PIK3C2A: variants seen among roughly 807,000 people sequenced by gnomAD.
PIK3C2A encodes the protein phosphatidylinositol 4-phosphate 3-kinase C2 domain-containing subunit alpha.
PIK3C2A carries 97 observed loss-of-function variants against 204.5 expected under a neutral mutation model. That is an observed-to-expected ratio of 0.47 (90% confidence interval 0.40 to 0.56). The LOEUF is 0.56. Ranked by LOEUF, PIK3C2A falls within the 20% of genes least tolerant of loss-of-function variation. The pLI is 0.00. For synonymous variants in PIK3C2A, 653 were observed against 664.4 expected, an observed-to-expected ratio of 0.98 and a Z score of 0.26; for missense variants, 1,735 against 1,969.2, an observed-to-expected ratio of 0.88 and a Z score of 2.25.
chr11:17,099,908 G>T lies in PIK3C2A; in HGVS notation c.4070C>A (p.Ala1357Glu). 1 of 1,597,330 alleles carries T rather than the reference G, an allele frequency of 6.3e-7. No individual in the cohort carries two copies. The highest frequency in any genetic ancestry group is 8.6e-7 in the Non-Finnish European group (1 of 1,165,046). The change falls in exon 26 of 33, where the codon GCA (alanine) becomes GAA (glutamate). Residue 1357 changes from alanine to glutamate, a missense_variant. By Grantham distance (107) the Ala-to-Glu change is moderately radical. Transcript: ENST00000691414. ...TGCGTCTGTAGTTTGGGGTTGAAGTGCATCTCTAACGTATTTCAAATCTTG... is the reference window on the plus strand; with the variant it reads ...TGCGTCTGTAGTTTGGGGTTGAAGTTCATCTCTAACGTATTTCAAATCTTG... ...SIQDLKYVRD[A>E]LQPQTTDAEA...
In PIK3C2A at chr11:17,110,515, T is replaced by C. The variant is rs978874865; in HGVS notation, c.3461A>G (p.Lys1154Arg). 4 of 1,610,622 alleles carry C rather than the reference T, an allele frequency of 2.5e-6. No individual in the cohort carries two copies. Among genetic ancestry groups the C allele is most frequent in the Non-Finnish European group, 3.4e-6 (4 of 1,177,240 alleles). The stretch of plus-strand genomic sequence containing the variant: ...TTTAAGCCAGATCTTATCCATAATC[T>C]TTATCATCTGTAAAGCTAACATATC... ...RQDMLALQMI[K>R]IMDKIWLKEG... Residue 1154 changes from lysine to arginine, a missense_variant, in exon 22 of 33, where the codon AAG becomes AGG. Physicochemically the swap from Lys to Arg is conservative, Grantham distance 26. Around this residue, in one of 6 missense-constraint regions of PIK3C2A, gnomAD observed 503 missense variants for 669.0 expected, o/e 0.75. Coordinates refer to ENST00000691414, the MANE Select transcript of PIK3C2A (RefSeq NM_002645.4).
rs148269726 is a variant in PIK3C2A, at chr11:17,155,459, T to G, written c.1169+67A>C. The G allele has an allele frequency of 8.8e-5, 68 of 775,084 alleles. No individual in the cohort carries two copies. The East Asian group carries it at 1.7e-3, about 19-fold the overall frequency. The allele number at this position is 775,084 out of a possible 1,614,324, so 48.0% of individuals were successfully genotyped here. On this transcript the variant is annotated intron_variant, in intron 3 of 32. Transcript: ENST00000691414. ...AATTAAAATTTTTAAAATTTTAGAA[T>G]TATTAGCACTAAACTGGTTTTCAAG...
At chr11:17,178,076 G>C (rs536770143) in intron 1 of PIK3C2A, among the ~76,000 whole-genome samples, 160 of 113,094 alleles carry the variant, frequency 1.4e-3, no homozygotes, top group African/African-American at 5.4e-3. Context: ...CTGGGCAACA[G>C]AGTGAGACTC....
At position 17,151,700 on chromosome 11, in the gene PIK3C2A, G is replaced by T. The variant is rs1850432595; in HGVS notation, c.1170-1045C>A. Among the ~76,000 whole-genome samples, 3 of 152,242 alleles carry T rather than the reference G, an allele frequency of 2.0e-5. No homozygotes were observed. The South Asian group carries it at 6.2e-4, about 32-fold the overall frequency. ...CTACTACTTACCTGATAGGGTTGTT[G>T]TGAGAATTATGTGAATTTAGTTTAT... On this transcript the variant is annotated intron_variant, in intron 3 of 32. Transcript: ENST00000691414.
intron 8 of PIK3C2A, 72 bp downstream of exon 8, chr11:17,145,596 A>G: frequency 1.2e-6 from 1 of 854,024 alleles, no homozygotes; most frequent in Non-Finnish European, 1.9e-6. Flanking sequence ...TCCAATGCCA[A>G]CACTACCATT....
chr11:17,199,689 T>C (rs113511300), intron 1 of PIK3C2A, among the ~76,000 whole-genome samples: 4 of 152,146 alleles, frequency 2.6e-5, no homozygotes, highest in African/African-American at 9.7e-5. Context: ...ACGCCTGTAA[T>C]CCCAACACTT....
chr11:17,168,310 A>C (rs1259009287), intron 2 of PIK3C2A, among the ~76,000 whole-genome samples: 1 of 152,298 alleles, frequency 6.6e-6, no homozygotes, highest in Non-Finnish European at 1.5e-5. Context: ...GGCTGGGCGC[A>C]GTGGCTCACG....
chr11:17,117,842 T>C (rs1373244492), intron 18 of PIK3C2A, among the ~76,000 whole-genome samples, 171 bp from the exon 19 acceptor site: 2 of 146,842 alleles, frequency 1.4e-5, no homozygotes, highest in Non-Finnish European at 3.0e-5. Context: ...GCCTCCCGAA[T>C]AGCTGGGACT....
rs138300747 is a variant in PIK3C2A at position 17,150,509 on chromosome 11, A to G, written c.1316T>C (p.Phe439Ser). 6.7e-5 allele frequency: 107 copies of G among 1,604,540 alleles called. No individual in the cohort carries two copies. The highest frequency in any genetic ancestry group is 8.6e-5 in the Non-Finnish European group (101 of 1,175,892). ...AACCATAAACCTACCATCACACGTA[A>G]AAGTAACTGGTAGCTGAAATCCTTC... ...DIEGFQLPVT[F>S]TCDVSSTVEI... The change falls in exon 4 of 33, where the codon TTT becomes TCT. Residue 439 changes from phenylalanine to serine, a missense_variant. Phe to Ser is a radical substitution (Grantham distance 155). Transcript: ENST00000691414.
chr11:17,147,437 T>C lies in PIK3C2A; in HGVS notation c.1560+80A>G, dbSNP rs181387459. 2.0e-4 allele frequency: 154 copies of C among 752,114 alleles called. 1 individual carries two copies. Among genetic ancestry groups the C allele is most frequent in the African/African-American group, 1.9e-3 (109 of 57,246 alleles). The allele number at this position is 752,114 out of a possible 1,614,324, so 46.6% of individuals were successfully genotyped here. On this transcript the variant is annotated intron_variant, in intron 6 of 32. Coordinates refer to ENST00000691414, the MANE Select transcript of PIK3C2A (RefSeq NM_002645.4). Reference sequence around the variant, plus strand: ...ATTCTAACTATGAAATCATGAAAAATGTACAAGTTGAAAATTGGCAAATTA... The same window carrying C: ...ATTCTAACTATGAAATCATGAAAAACGTACAAGTTGAAAATTGGCAAATTA...
intron 6 of PIK3C2A, among the ~76,000 whole-genome samples, chr11:17,146,318 C>A (rs1850242438): frequency 6.6e-6 from 1 of 152,108 alleles, no homozygotes. Context: ...TAAATTTCTG[C>A]ATTATTTTTT....
intron 1 of PIK3C2A, among the ~76,000 whole-genome samples, chr11:17,182,461 G>A (rs777432912): frequency 2.0e-5 from 3 of 151,758 alleles, no homozygotes; most frequent in Non-Finnish European, 4.4e-5. Flanking sequence ...CAGCTACTCT[G>A]GAGGCTGACA....
Position 17,117,578 on chromosome 11 carries a change from T to A in PIK3C2A, c.3129A>T (p.Arg1043Ser). The change falls in exon 19 of 33, where the codon AGA becomes AGT. Residue 1043 changes from arginine to serine, a missense_variant. Transcript: ENST00000691414. ...ALLSVGGKRL[R>S]EELLKQTKLV... ...GTTTCGTCTGTTTTAGAAGTTCTTCTCTAAGTCGTTTTCCTCCTACTGACA... is the reference window on the plus strand; with the variant it reads ...GTTTCGTCTGTTTTAGAAGTTCTTCACTAAGTCGTTTTCCTCCTACTGACA... The A allele has an allele frequency of 6.2e-7, 1 of 1,613,750 alleles. No homozygotes were observed. Among genetic ancestry groups the A allele is most frequent in the Non-Finnish European group, 8.5e-7 (1 of 1,179,656 alleles).
rs554232601 is a variant in PIK3C2A at position 17,153,261 on chromosome 11, G to A, written c.1169+2265C>T. Reference sequence around the variant, plus strand: ...AGCTTGGCCAATGTAGTGAAACCTCGTTTCTACTAAAAATACAAAAAAAAT... The same window carrying A: ...AGCTTGGCCAATGTAGTGAAACCTCATTTCTACTAAAAATACAAAAAAAAT... On this transcript the variant is annotated intron_variant, in intron 3 of 32. Coordinates refer to ENST00000691414, the MANE Select transcript of PIK3C2A (RefSeq NM_002645.4). Among the ~76,000 whole-genome samples the A allele has an allele frequency of 3.3e-5, 5 of 152,022 alleles. No individual in the cohort carries two copies. In the East Asian group the frequency reaches 7.7e-4, roughly 23 times the overall value.
intron 1 of PIK3C2A, among the ~76,000 whole-genome samples, chr11:17,177,500 A>G (rs1851374860): frequency 6.6e-6 from 1 of 152,190 alleles, no homozygotes; most frequent in African/African-American, 2.4e-5. Flanking sequence ...AAAAAATAAC[A>G]TGGTTGAGTT....
At chr11:17,174,362 C>T (rs61879725) in intron 1 of PIK3C2A, among the ~76,000 whole-genome samples, 5,401 of 47,388 alleles carry the variant, frequency 0.11, 237 homozygotes, top group East Asian at 0.17. Flanking sequence ...CCGAGGCGGG[C>T]GGATCACGAG....
In PIK3C2A at chr11:17,155,574, A is replaced by G. The variant is rs1565278797; in HGVS notation, c.1121T>C (p.Val374Ala). 3.7e-6 allele frequency: 6 copies of G among 1,608,612 alleles called. No individual in the cohort carries two copies. The highest frequency in any genetic ancestry group is 5.1e-6 in the Non-Finnish European group (6 of 1,176,000). The stretch of plus-strand genomic sequence containing the variant: ...TGCCATCTCCTCATTCTGTACTTCA[A>G]CTTCTTGAAGAAGAGAACTTCCAGT... ...LPTGSSLLQE[V>A]EVQNEEMAAF... Residue 374 changes from valine (V) to alanine (A), a missense_variant, in exon 3 of 33, where the codon GTT becomes GCT. Around this residue, in one of 6 missense-constraint regions of PIK3C2A, gnomAD observed 536 missense variants for 546.7 expected, o/e 0.98. Transcript: ENST00000691414.
At chr11:17,124,321 CAAT>C (rs1470602923) in intron 13 of PIK3C2A, among the ~76,000 whole-genome samples, 1 of 152,098 alleles carries the variant, frequency 6.6e-6, no homozygotes, top group Non-Finnish European at 1.5e-5. Flanking sequence ...AAATAATTAA[CAAT>C]AATTACTTAA....
rs1849322052 is a variant in PIK3C2A at position 17,119,993 on chromosome 11, T to G, written c.2658-19A>C. 5 of 1,084,456 alleles carry G rather than the reference T, an allele frequency of 4.6e-6. No individual in the cohort carries two copies. Among genetic ancestry groups the G allele is most frequent in the Admixed American group, 2.4e-5 (1 of 42,440 alleles). 67.2% of individuals were successfully genotyped at this position (1,084,456 alleles called of 1,614,324 possible). A position where few individuals can be genotyped will look rare whatever the true frequency, so the allele number is the denominator to read the frequency against. On this transcript the variant is annotated intron_variant, in intron 15 of 32. Coordinates refer to ENST00000691414, the MANE Select transcript of PIK3C2A (RefSeq NM_002645.4). ...AGAAAGTCTGCATATATAATAGAATTAAATTACTTCTCAGTGATAACATAA... is the reference window on the plus strand; with the variant it reads ...AGAAAGTCTGCATATATAATAGAATGAAATTACTTCTCAGTGATAACATAA...
Sources: allele counts gnomAD v4.1 joint callset (sites outside exome capture counted in the v4.1 genomes callset), GRCh38; gene constraint gnomAD v4.1.1; regional missense constraint gnomAD v4.1.1; transcripts MANE v1.5; gene names NCBI Gene and HGNC (gene_info 2026-07-23, HGNC 2026-07-21).